SANBR: variants seen among roughly 807,000 people sequenced by gnomAD.
SANBR encodes the protein SANT and BTB domain regulator of class switch recombination.
SANBR carries 77 observed loss-of-function variants against 101.8 expected under a neutral mutation model. That is an observed-to-expected ratio of 0.76 (90% CI 0.63 to 0.91). The LOEUF is 0.91. SANBR is among the 40% of genes least tolerant of loss of function. SANBR has a pLI of 0.00. For missense variants in SANBR, 875 were observed against 853.0 expected, an observed-to-expected ratio of 1.03 and a Z score of -0.32; for synonymous variants, 279 against 274.7, an observed-to-expected ratio of 1.02 and a Z score of -0.15.
intron 12 of SANBR, among the ~76,000 whole-genome samples, chr2:61,100,722 G>C (rs561955058): frequency 1.3e-5 from 2 of 152,270 alleles, no homozygotes; most frequent in South Asian, 2.1e-4. Flanking sequence ...AGGTTCCAGG[G>C]TTTGAGGGGA....
intron 8 of SANBR, among the ~76,000 whole-genome samples, chr2:61,087,191 T>C (rs1035373190): frequency 6.6e-6 from 1 of 152,206 alleles, no homozygotes. Flanking sequence ...CTAAAGATCA[T>C]ATACCTAGTT....
At chr2:61,076,459 T>TA (rs1681782493) in intron 5 of SANBR, among the ~76,000 whole-genome samples, 1 of 68,690 alleles carries the variant, frequency 1.5e-5, no homozygotes, top group Non-Finnish European at 2.6e-5. Context: ...CTACTAAAAA[T>TA]ACAAAAAAAA....
At chr2:61,107,205 C>T in intron 14 of SANBR, among the ~76,000 whole-genome samples, 1 of 151,290 alleles carries the variant, frequency 6.6e-6, no homozygotes, top group Non-Finnish European at 1.5e-5. Context: ...ATAACATGGT[C>T]TTTAAGGTTT....
In SANBR at chr2:61,123,531, G is replaced by C; in HGVS notation, c.*1369G>C. 3 of 966,422 alleles carry C rather than the reference G, an allele frequency of 3.1e-6. No individual in the cohort carries two copies. Among genetic ancestry groups the C allele is most frequent in the Non-Finnish European group, 3.7e-6 (3 of 812,800 alleles). The allele number at this position is 966,422 out of a possible 1,614,324, so 59.9% of individuals were successfully genotyped here. A position where few individuals can be genotyped will look rare whatever the true frequency, so the allele number is the denominator to read the frequency against. On this transcript the variant is annotated 3_prime_UTR_variant, in exon 22 of 22. Coordinates refer to ENST00000402291, the MANE Select transcript of SANBR (RefSeq NM_001129993.3). ...ACTGTGGAAATAGACTTTTATTTTC[G>C]AAAGAAAATGTCTTGTAGTACATAT...
At chr2:61,118,630 C>T (rs1334082194) in intron 20 of SANBR, among the ~76,000 whole-genome samples, 3 of 137,204 alleles carry the variant, frequency 2.2e-5, no homozygotes, top group African/African-American at 5.7e-5. Context: ...GGTGCCATCT[C>T]GGCTCACTGC....
rs746227483 is a variant in SANBR at position 61,071,761 on chromosome 2, T to G, written c.306T>G (p.Thr102=). 6.9e-6 allele frequency: 11 copies of G among 1,602,546 alleles called. No homozygotes were observed. Among genetic ancestry groups the G allele is most frequent in the Non-Finnish European group, 8.5e-6 (10 of 1,176,820 alleles). ...ACATACATGGAGAATTTCAGGAGAC[T>G]CCAGTTGGACATGATGCAGTTTCCA... is the stretch of plus-strand genomic sequence containing the variant. ...LLDIHGEFQE[T]PVGHDAVSKT... is the part of the protein sequence containing the mutation. The change falls in exon 4 of 22, where the codon ACT becomes ACG. Residue 102 remains threonine (T), a synonymous_variant. Transcript: ENST00000402291.
intron 14 of SANBR, among the ~76,000 whole-genome samples, 167 bp downstream of exon 14, chr2:61,106,829 C>G (rs963576949): frequency 1.3e-5 from 2 of 151,958 alleles, no homozygotes; most frequent in African/African-American, 4.8e-5. Context: ...ACATTTCTTG[C>G]CCTCAAAGAA....
chr2:61,112,476 G>T (rs1683876171), intron 16 of SANBR, among the ~76,000 whole-genome samples: 1 of 151,272 alleles, frequency 6.6e-6, no homozygotes, highest in Non-Finnish European at 1.5e-5. Flanking sequence ...CCTAGTCTAT[G>T]CCTTGCCTTT....
At chr2:61,088,071 A>T (rs1682537357) in intron 8 of SANBR, 88 bp from the exon 9 acceptor site, 2 of 658,972 alleles carry the variant, frequency 3.0e-6, no homozygotes. Context: ...TATTAATCTT[A>T]TTTTACAAAT....
At chr2:61,128,994 T>C (rs907245750), downstream of SANBR, among the ~76,000 whole-genome samples, 2 of 152,062 alleles carry the variant, frequency 1.3e-5, no homozygotes, top group Non-Finnish European at 2.9e-5. Context: ...TGGGATAACA[T>C]TCAAAGTGCT....
intron 1 of SANBR, chr2:61,066,515 A>T (rs151180978): frequency 6.6e-6 from 1 of 152,508 alleles, no homozygotes; most frequent in East Asian, 1.9e-4. Flanking sequence ...TTTCTCCTCC[A>T]GCTGACTCCG....
In SANBR at chr2:61,117,149, C is replaced by G. The variant is rs567646337; in HGVS notation, c.1837-208C>G. On this transcript the variant is annotated intron_variant, in intron 17 of 21. Transcript: ENST00000402291. ...GGTCTGTATCTCTTTGGAGAAGTTT[C>G]TTAACTTCTCTGAACCTGTTTTATT... The G allele has an allele frequency of 2.0e-5, 11 of 553,128 alleles. No individual in the cohort carries two copies. The East Asian group carries it at 2.9e-4, about 15-fold the overall frequency. The allele number at this position is 553,128 out of a possible 1,614,324, so 34.3% of individuals were successfully genotyped here.
Position 61,085,487 on chromosome 2 carries a change from C to A in SANBR, c.890+2173C>A, listed in dbSNP as rs563146492. ...TGTTCTGTTGATTTCTTTGTCTATCCTTGTATCAGTAGCACACTGTTACAC... is the reference window on the plus strand; with the variant it reads ...TGTTCTGTTGATTTCTTTGTCTATCATTGTATCAGTAGCACACTGTTACAC... On this transcript the variant is annotated intron_variant, in intron 8 of 21. Coordinates refer to ENST00000402291, the MANE Select transcript of SANBR (RefSeq NM_001129993.3). Among the ~76,000 whole-genome samples the A allele has an allele frequency of 2.6e-5, 4 of 151,946 alleles. No individual in the cohort carries two copies. The East Asian group carries it at 5.8e-4, about 22-fold the overall frequency.
At chr2:61,094,167 A>G (rs1422769758) in intron 11 of SANBR, 1 of 642,990 alleles carries the variant, frequency 1.6e-6, no homozygotes, top group Non-Finnish European at 1.9e-6. Context: ...AGTAAAATGC[A>G]TCCTTTTTGT....
intron 21 of SANBR, among the ~76,000 whole-genome samples, 194 bp from the exon 22 acceptor site, chr2:61,121,932 G>A (rs1443756672): frequency 2.0e-5 from 3 of 152,054 alleles, no homozygotes; most frequent in Admixed American, 6.6e-5. Flanking sequence ...TGTACATAAC[G>A]TATTATCTCT....
chr2:61,109,347 A>G, intron 16 of SANBR, 51 bp downstream of exon 16: 2 of 1,036,308 alleles, frequency 1.9e-6, no homozygotes, highest in Non-Finnish European at 2.9e-6. Flanking sequence ...AAGGGGTTAC[A>G]TTCTGAAGCC....
intron 2 of SANBR, among the ~76,000 whole-genome samples, chr2:61,070,125 CTCT>C (rs1681384105): frequency 6.6e-6 from 1 of 152,190 alleles, no homozygotes; most frequent in Admixed American, 6.5e-5. Context: ...ATTTATTCAT[CTCT>C]TCATCTTTTT....
chr2:61,102,142 G>C (rs1047464063), intron 12 of SANBR, among the ~76,000 whole-genome samples: 2 of 151,920 alleles, frequency 1.3e-5, no homozygotes, highest in African/African-American at 4.8e-5. Context: ...GGGAGGCCGA[G>C]GCGGTCAGAT....
At chr2:61,114,177 A>G (rs1052043069) in intron 16 of SANBR, among the ~76,000 whole-genome samples, 2 of 152,142 alleles carry the variant, frequency 1.3e-5, no homozygotes, top group Non-Finnish European at 2.9e-5. Flanking sequence ...CACAGATATT[A>G]TGCTTGTCTG....
Sources: allele counts gnomAD v4.1 joint callset (sites outside exome capture counted in the v4.1 genomes callset), GRCh38; gene constraint gnomAD v4.1.1; transcripts MANE v1.5; gene names NCBI Gene and HGNC (gene_info 2026-07-23, HGNC 2026-07-21).